The following COPG2 variants were observed in gnomAD, a reference collection of about 807,000 sequenced individuals.
COPG2 encodes the protein coatomer subunit gamma-2.
In COPG2, 37 loss-of-function variants were observed where a neutral mutation model predicts 46.3. The ratio of observed to expected loss-of-function variants is 0.80; its 90% CI spans 0.61 to 1.05. COPG2 has a LOEUF of 1.05. Among genes scored for constraint, COPG2 ranks in the 50% least tolerant of loss-of-function variants. The probability of loss-of-function intolerance (pLI) is 0.00; values close to 1 mark genes in which losing one functional copy is unlikely to be tolerated. For missense variants in COPG2, 427 were observed against 387.8 expected, an observed-to-expected ratio of 1.10 and a Z score of -0.85; for synonymous variants, 159 against 129.7, an observed-to-expected ratio of 1.23 and a Z score of -1.53.
At chr7:130,665,988 T>C (rs1554461388) in intron 3 of COPG2, among the ~76,000 whole-genome samples, 2 of 152,342 alleles carry the variant, frequency 1.3e-5, no homozygotes. Context: ...GCAATAAATA[T>C]TTGCTGAATG....
intron 5 of COPG2, among the ~76,000 whole-genome samples, chr7:130,636,550 T>G (rs1795341580): frequency 6.7e-6 from 1 of 149,332 alleles, no homozygotes; most frequent in African/African-American, 2.5e-5. Context: ...TTTTTTTTTT[T>G]TTTTTTTTTG....
intron 9 of COPG2, chr7:130,610,454 T>C (rs548777572): frequency 4.3e-6 from 2 of 469,344 alleles, no homozygotes; most frequent in East Asian, 5.7e-5. Flanking sequence ...AGGGGTCTTC[T>C]TTGCTCCCTA....
intron 9 of COPG2, among the ~76,000 whole-genome samples, chr7:130,583,585 T>G (rs1409924279): frequency 7.0e-6 from 1 of 141,914 alleles, no homozygotes; most frequent in South Asian, 2.2e-4. Context: ...GGCGGGTGGA[T>G]CATGAGTTCA....
intron 5 of COPG2, among the ~76,000 whole-genome samples, chr7:130,632,616 G>C (rs1795253090): frequency 6.6e-6 from 1 of 151,966 alleles, no homozygotes; most frequent in African/African-American, 2.4e-5. Context: ...AGGCCAGTGA[G>C]GCTGTTTATT....
chr7:130,542,747 C>A lies in COPG2; in HGVS notation c.2149+4927G>T, dbSNP rs978645447. On this transcript the variant is annotated intron_variant, in intron 20 of 23. Coordinates refer to ENST00000425248, the MANE Select transcript of COPG2 (RefSeq NM_012133.6). ...AGTTATTGGGATGTAAATTTGATGA[C>A]GGAAGTTTATGGTAAAAGAAGGGAC... Among the ~76,000 whole-genome samples the A allele has an allele frequency of 5.9e-5, 9 of 152,052 alleles. No individual in the cohort carries two copies. The South Asian group carries it at 1.9e-3, about 32-fold the overall frequency.
intron 20 of COPG2, among the ~76,000 whole-genome samples, chr7:130,514,192 GA>G (rs1799656095): frequency 6.6e-6 from 1 of 152,238 alleles, no homozygotes; most frequent in Admixed American, 6.5e-5. Context: ...GAAGTTTAAT[GA>G]GAAGGATTAG....
At position 130,666,941 on chromosome 7, in the gene COPG2, C is replaced by A; in HGVS notation, c.91-12G>T. On this transcript the variant is annotated splice_polypyrimidine_tract_variant and intron_variant, in intron 2 of 23. Coordinates refer to ENST00000425248, the MANE Select transcript of COPG2 (RefSeq NM_012133.6). ...TTGAATATACGAGCCTATGAAAAAA[C>A]ATAAAAAACATTGCTACTTTTCTAC... 7.1e-7 allele frequency: 1 copy of A among 1,407,396 alleles called. No homozygotes were observed. The highest frequency in any genetic ancestry group is 9.8e-7 in the Non-Finnish European group (1 of 1,018,858). 87.2% of individuals were successfully genotyped at this position (1,407,396 alleles called of 1,614,324 possible). A position where few individuals can be genotyped will look rare whatever the true frequency, so the allele number is the denominator to read the frequency against.
At chr7:130,607,278 TAAATAAA>T (rs1794752097) in intron 9 of COPG2, among the ~76,000 whole-genome samples, 1 of 142,050 alleles carries the variant, frequency 7.0e-6, no homozygotes, top group African/African-American at 2.6e-5. Context: ...AATAAATAAA[TAAATAAA>T]GTCATGGACA....
intron 20 of COPG2, among the ~76,000 whole-genome samples, chr7:130,524,638 C>A (rs982087975): frequency 3.3e-5 from 5 of 152,072 alleles, no homozygotes; most frequent in Admixed American, 3.3e-4. Context: ...TGCAGAGAAT[C>A]CAGGGACTTT....
chr7:130,551,236 C>T lies in COPG2; in HGVS notation c.1648+5G>A. ...CAAAAGTGTACATCCTTGGCTTTCA[C>T]TGACCATTAAAGATATATGTGGCAT... On this transcript the variant is annotated splice_donor_5th_base_variant and intron_variant, in intron 16 of 23. Transcript: ENST00000425248. The T allele has an allele frequency of 2.5e-6, 1 of 398,526 alleles. No individual in the cohort carries two copies. The highest frequency in any genetic ancestry group is 1.3e-4 in the South Asian group (1 of 7,862). 24.7% of individuals were successfully genotyped at this position (398,526 alleles called of 1,614,324 possible). A position where few individuals can be genotyped will look rare whatever the true frequency, so the allele number is the denominator to read the frequency against.
At chr7:130,528,565 TGA>T (rs1584964085) in intron 20 of COPG2, among the ~76,000 whole-genome samples, 2 of 152,150 alleles carry the variant, frequency 1.3e-5, no homozygotes, top group Admixed American at 6.5e-5. Flanking sequence ...CAGATCGTGC[TGA>T]GAGAATGCAG....
At chr7:130,588,854 A>C (rs1327387578) in intron 9 of COPG2, among the ~76,000 whole-genome samples, 1 of 152,188 alleles carries the variant, frequency 6.6e-6, no homozygotes, top group African/African-American at 2.4e-5. Context: ...TCCCCAATGC[A>C]GTCCTCTTCT....
chr7:130,638,399 G>T (rs1464055307), intron 5 of COPG2, among the ~76,000 whole-genome samples: 1 of 152,168 alleles, frequency 6.6e-6, no homozygotes, highest in Non-Finnish European at 1.5e-5. Context: ...TGGGGCTGCT[G>T]CCTTTCTTTC....
chr7:130,548,631 A>G (rs946396050), intron 18 of COPG2, 89 bp from the exon 19 acceptor site: 1 of 394,286 alleles, frequency 2.5e-6, no homozygotes, highest in Non-Finnish European at 4.5e-6. Context: ...GGCCAGGAGC[A>G]GTGGCTCACG....
intron 5 of COPG2, among the ~76,000 whole-genome samples, chr7:130,628,796 G>A (rs1795167968): frequency 6.6e-6 from 1 of 152,142 alleles, no homozygotes; most frequent in South Asian, 2.1e-4. Flanking sequence ...AGTAATCCCA[G>A]CACTTTGGGA....
intron 12 of COPG2, among the ~76,000 whole-genome samples, chr7:130,558,231 G>A (rs1793662870): frequency 6.6e-6 from 1 of 152,066 alleles, no homozygotes; most frequent in Non-Finnish European, 1.5e-5. Flanking sequence ...GGGGCCTGGT[G>A]GGAGGTGACT....
chr7:130,549,237 G>C (rs968704065), intron 18 of COPG2, 77 bp downstream of exon 18: 3 of 397,906 alleles, frequency 7.5e-6, no homozygotes, highest in Non-Finnish European at 1.3e-5. Flanking sequence ...CGATCAATTT[G>C]AGTAAGACTG....
chr7:130,582,516 G>A (rs1427134247), intron 9 of COPG2, among the ~76,000 whole-genome samples: 19 of 151,946 alleles, frequency 1.3e-4, no homozygotes, highest in African/African-American at 4.3e-4. Context: ...TTAAACTAAA[G>A]AGCTTCAGCA....
chr7:130,533,709 G>C (rs1799850750), intron 20 of COPG2, among the ~76,000 whole-genome samples: 1 of 152,080 alleles, frequency 6.6e-6, no homozygotes, highest in African/African-American at 2.4e-5. Context: ...AGGTCAGGCT[G>C]GGAGCAGACA....
Sources: allele counts gnomAD v4.1 joint callset (sites outside exome capture counted in the v4.1 genomes callset), GRCh38; gene constraint gnomAD v4.1.1; transcripts MANE v1.5; gene names NCBI Gene and HGNC (gene_info 2026-07-23, HGNC 2026-07-21).